Variants in ZNHIT6 observed in about 807,000 individuals in gnomAD.
ZNHIT6 encodes the protein box C/D snoRNA protein 1.
A neutral mutation model predicts 57.2 loss-of-function variants in ZNHIT6; 45 were observed. The ratio of observed to expected loss-of-function variants is 0.79; its 90% confidence interval spans 0.62 to 1.01. The LOEUF (loss-of-function observed/expected upper bound fraction) is 1.01, where lower values mean the gene tolerates loss of function less well. Ranked by LOEUF, ZNHIT6 falls within the 50% of genes least tolerant of loss-of-function variation. The pLI is 0.00. For missense variants in ZNHIT6, 528 were observed against 567.3 expected, an observed-to-expected ratio of 0.93 and a Z score of 0.70; for synonymous variants, 188 against 190.0, an observed-to-expected ratio of 0.99 and a Z score of 0.09.
intron 7 of ZNHIT6, among the ~76,000 whole-genome samples, chr1:85,677,721 T>C (rs1171303083): frequency 6.6e-6 from 1 of 152,210 alleles, no homozygotes; most frequent in Non-Finnish European, 1.5e-5. Context: ...CATGACCTTT[T>C]ATCAAAAGCA....
intron 5 of ZNHIT6, among the ~76,000 whole-genome samples, chr1:85,687,099 A>C (rs1262143495): frequency 6.6e-6 from 1 of 150,810 alleles, no homozygotes; most frequent in Non-Finnish European, 1.5e-5. Flanking sequence ...GTGAAACCCC[A>C]CCTCTACTAA....
intron 8 of ZNHIT6, among the ~76,000 whole-genome samples, chr1:85,667,972 A>G (rs1201022013): frequency 8.3e-6 from 1 of 120,868 alleles, no homozygotes; most frequent in African/African-American, 3.1e-5. Flanking sequence ...ATATATATAT[A>G]TATATATATA....
chr1:85,696,852 C>CTTTTT (rs67507264), intron 5 of ZNHIT6, among the ~76,000 whole-genome samples: 2 of 113,692 alleles, frequency 1.8e-5, no homozygotes, highest in Non-Finnish European at 1.8e-5. Flanking sequence ...ACCATCTATT[C>CTTTTT]TTTTTTTTTT....
At chr1:85,663,392 T>A (rs1457631507) in intron 8 of ZNHIT6, among the ~76,000 whole-genome samples, 1 of 152,174 alleles carries the variant, frequency 6.6e-6, no homozygotes, top group Non-Finnish European at 1.5e-5. Flanking sequence ...TTTGGGTAAG[T>A]CAATTTTTCA....
chr1:85,666,735 T>A (rs1375905439), intron 8 of ZNHIT6, among the ~76,000 whole-genome samples: 1 of 152,188 alleles, frequency 6.6e-6, no homozygotes, highest in East Asian at 1.9e-4. Flanking sequence ...TGGAAGAGTA[T>A]CATCTTTGAG....
Position 85,687,281 on chromosome 1 carries a change from C to CAAAAAAAAAAAAAAAAAAAAAAAA in ZNHIT6, c.1020-6378_1020-6377insTTTTTTTTTTTTTTTTTTTTTTTT, listed in dbSNP as rs371192859. Reference sequence around the variant, plus strand: ...GGTGACAAGAGTGAGAAGACTATCTCAAAAAACAAAAAAAAAACAAAAAAA... The same window carrying CAAAAAAAAAAAAAAAAAAAAAAAA: ...GGTGACAAGAGTGAGAAGACTATCTCAAAAAAAAAAAAAAAAAAAAAAAAAAAAAACAAAAAAAAAACAAAAAAA... On this transcript the variant is annotated intron_variant, in intron 5 of 9. Coordinates refer to ENST00000370574, the MANE Select transcript of ZNHIT6 (RefSeq NM_017953.4). Among the ~76,000 whole-genome samples, 8 of 33,602 alleles carry CAAAAAAAAAAAAAAAAAAAAAAAA rather than the reference C, an allele frequency of 2.4e-4. 3 individuals are homozygous for CAAAAAAAAAAAAAAAAAAAAAAAA. In the East Asian group the frequency reaches 3.6e-3, roughly 15 times the overall value. The allele number at this position is 33,602 out of a possible 152,430, so 22.0% of individuals were successfully genotyped here.
intron 5 of ZNHIT6, among the ~76,000 whole-genome samples, chr1:85,687,305 A>AAAAAAAAAAAAAAAAAC (rs1662087326): frequency 6.9e-6 from 1 of 145,898 alleles, no homozygotes. Context: ...AAAACAAAAA[A>AAAAAAAAAAAAAAAAAC]AAAAAACAAT....
At position 85,649,750 on chromosome 1, in the gene ZNHIT6, A is replaced by C. The variant is rs1020145611; in HGVS notation, c.*4308T>G. The stretch of plus-strand genomic sequence containing the variant: ...CTAATTTCAAAATCAGTATCTCTCA[A>C]ATGCTGATGCCACTGGGAAAAATTT... On this transcript the variant is annotated 3_prime_UTR_variant, in exon 10 of 10. Coordinates refer to ENST00000370574, the MANE Select transcript of ZNHIT6 (RefSeq NM_017953.4). 1.3e-5 allele frequency: 2 copies of C among 152,166 alleles called. No individual in the cohort carries two copies. The highest frequency in any genetic ancestry group is 4.8e-5 in the African/African-American group (2 of 41,426). 9.4% of individuals were successfully genotyped at this position (152,166 alleles called of 1,614,324 possible). A position where few individuals can be genotyped will look rare whatever the true frequency, so the allele number is the denominator to read the frequency against.
chr1:85,655,296 AAAAG>A (rs1661031120), intron 9 of ZNHIT6, among the ~76,000 whole-genome samples: 1 of 152,174 alleles, frequency 6.6e-6, no homozygotes, highest in Admixed American at 6.5e-5. Flanking sequence ...CTGCAAAAGG[AAAAG>A]AAAGAAAAGA....
intron 8 of ZNHIT6, among the ~76,000 whole-genome samples, chr1:85,659,223 A>G (rs1201775240): frequency 1.3e-5 from 2 of 152,220 alleles, no homozygotes; most frequent in South Asian, 2.1e-4. Context: ...CTTTAAAAAA[A>G]TAAGTCTGAG....
Position 85,708,363 on chromosome 1 carries a change from C to G in ZNHIT6, c.-79G>C, listed in dbSNP as rs1195052827. 28 of 1,501,754 alleles carry G rather than the reference C, an allele frequency of 1.9e-5. No homozygotes were observed. The Admixed American group carries it at 5.4e-4, about 29-fold the overall frequency. The allele number at this position is 1,501,754 out of a possible 1,614,324, so 93.0% of individuals were successfully genotyped here. On this transcript the variant is annotated 5_prime_UTR_variant, in exon 1 of 10. Coordinates refer to ENST00000370574, the MANE Select transcript of ZNHIT6 (RefSeq NM_017953.4). ...CACACCAATAGGAGGAATTACCGGT[C>G]GGAATACCTACGGCGGCCCACGTGT...
chr1:85,664,980 T>C lies in ZNHIT6; in HGVS notation c.1248-7009A>G, dbSNP rs556234901. 7.9e-5 allele frequency among the ~76,000 whole-genome samples: 12 copies of C among 152,084 alleles called. No individual in the cohort carries two copies. In the East Asian group the frequency reaches 2.3e-3, roughly 30 times the overall value. ...CCGAGTAGCTGGGACTATAGGTGTA[T>C]GCTGCCACACTCGGCTAATGTTTGT... On this transcript the variant is annotated intron_variant, in intron 8 of 9. Coordinates refer to ENST00000370574, the MANE Select transcript of ZNHIT6 (RefSeq NM_017953.4).
At chr1:85,663,424 G>C (rs1465971681) in intron 8 of ZNHIT6, among the ~76,000 whole-genome samples, 1 of 151,242 alleles carries the variant, frequency 6.6e-6, no homozygotes, top group East Asian at 1.9e-4. Context: ...TCCTAATCAG[G>C]TAAAGTAGAG....
chr1:85,699,938 T>C (rs1272056339), intron 5 of ZNHIT6, among the ~76,000 whole-genome samples: 1 of 152,176 alleles, frequency 6.6e-6, no homozygotes, highest in Non-Finnish European at 1.5e-5. Context: ...TATTGCTAAA[T>C]GGAAAATCTA....
chr1:85,694,498 G>A (rs571899188), intron 5 of ZNHIT6, among the ~76,000 whole-genome samples: 1 of 148,560 alleles, frequency 6.7e-6, no homozygotes, highest in Admixed American at 6.7e-5. Flanking sequence ...GTCTCGCTCT[G>A]TCACCCAGGT....
At chr1:85,668,033 C>T (rs79173680) in intron 8 of ZNHIT6, among the ~76,000 whole-genome samples, 4,147 of 132,012 alleles carry the variant, frequency 0.031, 239 homozygotes, top group African/African-American at 0.11. Context: ...TTTTCCATTC[C>T]GATTCTCTTG....
At chr1:85,662,154 T>TAAAA (rs138664278) in intron 8 of ZNHIT6, among the ~76,000 whole-genome samples, 1 of 102,152 alleles carries the variant, frequency 9.8e-6, no homozygotes, top group Non-Finnish European at 2.2e-5. Context: ...TTAGTGTGCT[T>TAAAA]TAAAAAAAAA....
At chr1:85,686,726 C>G (rs1662049672) in intron 5 of ZNHIT6, among the ~76,000 whole-genome samples, 1 of 152,152 alleles carries the variant, frequency 6.6e-6, no homozygotes, top group East Asian at 1.9e-4. Flanking sequence ...CCCTCCATTT[C>G]ACAATTTTCA....
Position 85,708,120 on chromosome 1 carries a change from CT to C in ZNHIT6, c.164del (p.Lys55ArgfsTer3). 1 of 1,614,150 alleles carries C rather than the reference CT, an allele frequency of 6.2e-7. No individual in the cohort carries two copies. Among genetic ancestry groups the C allele is most frequent in the Admixed American group, 1.7e-5 (1 of 60,014 alleles). ...GEEGTGLTGI[K>X]EIGDGEEGSG... Reference sequence around the variant, plus strand: ...TTCCTTCCTCTCCATCCCCTATCTCCTTTATCCCTGTCAGCCCTGTCCCCTC... The same window carrying C: ...TTCCTTCCTCTCCATCCCCTATCTCCTTATCCCTGTCAGCCCTGTCCCCTC... On this transcript the variant is annotated frameshift_variant, in exon 1 of 10. Transcript: ENST00000370574. LOFTEE classifies it high-confidence loss of function.
Sources: gnomAD v4.1 joint callset for allele counts (sites outside exome capture counted in the v4.1 genomes callset) on GRCh38, gnomAD v4.1.1 for gene constraint, MANE v1.5 for transcripts, NCBI Gene and HGNC (gene_info 2026-07-23, HGNC 2026-07-21) for gene names.